GLIS3: variants seen among roughly 807,000 people sequenced by gnomAD.
GLIS3 encodes the protein GLIS family zinc finger 3.
GLIS3 carries 53 observed loss-of-function variants against 78.6 expected under a neutral mutation model. The ratio of observed to expected loss-of-function variants is 0.67; its 90% CI spans 0.54 to 0.85. GLIS3 has a LOEUF of 0.85. Ranked by LOEUF, GLIS3 falls within the 40% of genes least tolerant of loss-of-function variation. GLIS3 has a pLI of 0.00. For synonymous variants in GLIS3, 684 were observed against 509.9 expected (o/e 1.34, Z -4.60); for missense variants, 1,703 against 1,231.1 (o/e 1.38, Z -5.74).
chr9:4,240,539 T>C (rs1442039141), intron 2 of GLIS3, among the ~76,000 whole-genome samples: 1 of 152,120 alleles, frequency 6.6e-6, no homozygotes, highest in Non-Finnish European at 1.5e-5. Context: ...GTAAAAATTA[T>C]AAACAAGATT....
intron 2 of GLIS3, among the ~76,000 whole-genome samples, chr9:4,221,543 G>A (rs770115430): frequency 3.3e-5 from 5 of 152,028 alleles, no homozygotes; most frequent in African/African-American, 4.8e-5. Context: ...AAGAGGCTTC[G>A]AAATTTCTCT....
intron 4 of GLIS3, among the ~76,000 whole-genome samples, chr9:4,106,044 T>C (rs530234212): frequency 6.6e-6 from 1 of 152,270 alleles, no homozygotes; most frequent in African/African-American, 2.4e-5. Context: ...AGTTTGGAGC[T>C]TTCAGAAACA....
At chr9:4,478,383 G>A in the GLIS3 span, among the ~76,000 whole-genome samples, 219 of 152,276 alleles carry the variant, frequency 1.4e-3, no homozygotes, top group Non-Finnish European at 2.0e-3. Context: ...AGGCCAAGGC[G>A]GGAGATCACT....
At chr9:4,064,108 T>C (rs894372636) in intron 4 of GLIS3, among the ~76,000 whole-genome samples, 1 of 152,092 alleles carries the variant, frequency 6.6e-6, no homozygotes. Context: ...CATTAAAATA[T>C]AGTTTATGCT....
At chr9:4,342,304 C>A (rs1817843937) in intron 2 of GLIS3, among the ~76,000 whole-genome samples, 1 of 152,188 alleles carries the variant, frequency 6.6e-6, no homozygotes. Flanking sequence ...CAATCTTCTG[C>A]ACGCGGCTAG....
chr9:4,134,986 T>C (rs530578966), intron 2 of GLIS3, among the ~76,000 whole-genome samples: 75 of 152,256 alleles, frequency 4.9e-4, no homozygotes, highest in African/African-American at 1.7e-3. Context: ...CACTGGACTC[T>C]CACACAAAGT....
chr9:4,459,254 T>C, the GLIS3 span, among the ~76,000 whole-genome samples: 10 of 152,226 alleles, frequency 6.6e-5, no homozygotes, highest in Admixed American at 2.6e-4. Context: ...CAGCATTATA[T>C]GCTGAAGTAC....
chr9:3,849,391 C>T (rs554812930), intron 9 of GLIS3, among the ~76,000 whole-genome samples: 1 of 152,310 alleles, frequency 6.6e-6, no homozygotes, highest in South Asian at 2.1e-4. Context: ...TCTTCCCTGA[C>T]CCCTTTGCCT....
intron 2 of GLIS3, among the ~76,000 whole-genome samples, chr9:4,195,077 T>A (rs565887066): frequency 5.0e-4 from 76 of 152,230 alleles, no homozygotes; most frequent in Non-Finnish European, 9.7e-4. Flanking sequence ...GGGCTAGAAC[T>A]GTGCTCTCCC....
chr9:3,951,821 GAA>G (rs1249186140), intron 4 of GLIS3, among the ~76,000 whole-genome samples: 1 of 147,266 alleles, frequency 6.8e-6, no homozygotes, highest in African/African-American at 2.5e-5. Context: ...AGAGGAGAGA[GAA>G]AGAGAGGAAT....
the GLIS3 span, among the ~76,000 whole-genome samples, chr9:4,485,350 G>T: frequency 2.0e-5 from 3 of 152,002 alleles, no homozygotes; most frequent in Non-Finnish European, 4.4e-5. Flanking sequence ...TTCAGACTTG[G>T]ATTTCTGAGG....
At chr9:4,162,366 G>C (rs1348839433) in intron 2 of GLIS3, among the ~76,000 whole-genome samples, 1 of 152,050 alleles carries the variant, frequency 6.6e-6, no homozygotes, top group Non-Finnish European at 1.5e-5. Context: ...AATTTGGGGG[G>C]ATATCTTTCA....
At chr9:4,252,486 T>C (rs1407360949) in intron 2 of GLIS3, among the ~76,000 whole-genome samples, 2 of 152,134 alleles carry the variant, frequency 1.3e-5, no homozygotes, top group Admixed American at 6.5e-5. Flanking sequence ...AAACTTATTA[T>C]TCTAGTAAGC....
chr9:4,170,131 C>T (rs186672315), intron 2 of GLIS3, among the ~76,000 whole-genome samples: 4 of 152,244 alleles, frequency 2.6e-5, no homozygotes, highest in Non-Finnish European at 2.9e-5. Flanking sequence ...TTCAAAAAGG[C>T]TGAAGTGATA....
At chr9:4,295,294 T>C (rs971220150) in intron 1 of GLIS3, among the ~76,000 whole-genome samples, 1 of 152,162 alleles carries the variant, frequency 6.6e-6, no homozygotes, top group African/African-American at 2.4e-5. Context: ...TACACTGGTG[T>C]CACATTAGAC....
intron 4 of GLIS3, among the ~76,000 whole-genome samples, chr9:4,087,643 T>TA (rs1214828910): frequency 6.6e-6 from 1 of 152,136 alleles, no homozygotes; most frequent in African/African-American, 2.4e-5. Flanking sequence ...CATGAAAAGT[T>TA]AAAAAACAAC....
chr9:4,480,355 C>G, the GLIS3 span, among the ~76,000 whole-genome samples: 1 of 151,990 alleles, frequency 6.6e-6, no homozygotes, highest in African/African-American at 2.4e-5. Flanking sequence ...CAGGCATGTG[C>G]CATCACACCT....
chr9:4,448,366 C>T, the GLIS3 span, among the ~76,000 whole-genome samples: 5 of 152,160 alleles, frequency 3.3e-5, no homozygotes, highest in South Asian at 1.0e-3. Flanking sequence ...AGAACCCATC[C>T]CATGCTTGTG....
intron 4 of GLIS3, among the ~76,000 whole-genome samples, chr9:4,047,158 G>C (rs979687193): frequency 2.6e-5 from 4 of 152,136 alleles, no homozygotes; most frequent in East Asian, 1.9e-4. Context: ...TAGTGAGTGA[G>C]TTCTCATGAG....
Sources: gnomAD v4.1 joint callset for allele counts (sites outside exome capture counted in the v4.1 genomes callset) on GRCh38, gnomAD v4.1.1 for gene constraint, MANE v1.5 for transcripts, NCBI Gene and HGNC (gene_info 2026-07-23, HGNC 2026-07-21) for gene names.